Variants in USP28 observed in about 807,000 individuals in gnomAD.
USP28 encodes ubiquitin specific peptidase 28.
A neutral mutation model predicts 145.0 loss-of-function variants in USP28; 113 were observed. That is an observed-to-expected ratio of 0.78 (90% CI 0.67 to 0.91). USP28 has a LOEUF of 0.91. Ranked by LOEUF, USP28 falls within the 40% of genes least tolerant of loss-of-function variation. The pLI is 0.00. For synonymous variants in USP28, 447 were observed against 450.9 expected (o/e 0.99, Z 0.11); for missense variants, 1,201 against 1,289.6 (o/e 0.93, Z 1.05).
chr11:113,823,519 A>C (rs1942931598), intron 12 of USP28, 86 bp downstream of exon 12: 1 of 1,052,442 alleles, frequency 9.5e-7, no homozygotes, highest in Non-Finnish European at 1.4e-6. Flanking sequence ...TAATATTTAA[A>C]CGTTGAGTTA....
chr11:113,870,435 G>A (rs1948701240), intron 1 of USP28, among the ~76,000 whole-genome samples: 1 of 152,238 alleles, frequency 6.6e-6, no homozygotes, highest in Admixed American at 6.5e-5. Flanking sequence ...GCTGAGGTGG[G>A]AGGATCGCTT....
intron 12 of USP28, chr11:113,818,123 A>C: frequency 3.3e-6 from 1 of 300,352 alleles, no homozygotes; most frequent in Non-Finnish European, 6.1e-6. Context: ...TATTACATTT[A>C]GGCTTTGGTC....
At chr11:113,803,314 T>G in intron 22 of USP28, 33 bp from the exon 24 acceptor site, 1 of 1,578,914 alleles carries the variant, frequency 6.3e-7, no homozygotes, top group South Asian at 1.2e-5. Flanking sequence ...AACAGCTGAG[T>G]GCTCTTTTAC....
chr11:113,801,069 C>A (rs987043337), intron 24 of USP28, among the ~76,000 whole-genome samples: 1 of 152,142 alleles, frequency 6.6e-6, no homozygotes, highest in Non-Finnish European at 1.5e-5. Flanking sequence ...GTCTTGAACT[C>A]CTGGCCTCAG....
rs113881899 is a variant in USP28, at chr11:113,850,561, C to T, written c.268+1940G>A. Among the ~76,000 whole-genome samples, 46 of 152,298 alleles carry T rather than the reference C, an allele frequency of 3.0e-4. 1 individual carries two copies. The highest frequency in any genetic ancestry group is 1.0e-3 in the African/African-American group (42 of 41,554). On this transcript the variant is annotated intron_variant, in intron 3 of 24. Coordinates refer to ENST00000003302, the Ensembl canonical transcript of USP28. ...ATCCAGAATAGCTCAAAACTGTTAA[C>T]GGCCCAAATGTCCATTAACACCACC...
chr11:113,854,575 TA>T (rs1785572083), intron 1 of USP28, among the ~76,000 whole-genome samples: 1 of 152,202 alleles, frequency 6.6e-6, no homozygotes, highest in Non-Finnish European at 1.5e-5. Context: ...CTAAGTTTTG[TA>T]TTTTTAGTAG....
At chr11:113,807,527 AC>A (rs1475627335) in intron 18 of USP28, among the ~76,000 whole-genome samples, 1 of 152,184 alleles carries the variant, frequency 6.6e-6, no homozygotes, top group African/African-American at 2.4e-5. Context: ...GAATTCCTTT[AC>A]AATTAAAAAT....
intron 1 of USP28, among the ~76,000 whole-genome samples, chr11:113,871,192 CA>C (rs1246642786): frequency 6.6e-6 from 1 of 152,070 alleles, no homozygotes. Context: ...AAGAGATGTA[CA>C]AAATCAGCTG....
chr11:113,829,155 T>C (rs764952625), intron 10 of USP28, 42 bp downstream of exon 10: 8 of 1,602,206 alleles, frequency 5.0e-6, no homozygotes, highest in Non-Finnish European at 6.8e-6. Flanking sequence ...CCTACTTAAC[T>C]GGCTTTGTCA....
rs1304361257 is a variant in USP28 at position 113,816,384 on chromosome 11, A to AGG, written c.1464-1003_1464-1002insCC. Among the ~76,000 whole-genome samples the AGG allele has an allele frequency of 7.2e-5, 11 of 152,176 alleles. No homozygotes were observed. In the South Asian group the frequency reaches 2.1e-3, roughly 29 times the overall value. ...ACAAAACTCAGCTGGGCATGGTGGC[A>AGG]CGCCTGTAGTCCCAGCTACTTGGGA... On this transcript the variant is annotated intron_variant, in intron 13 of 24. Transcript: ENST00000003302.
exon 17 of USP28, chr11:113,809,084 G>T: frequency 6.2e-7 from 1 of 1,614,148 alleles, no homozygotes; most frequent in Non-Finnish European, 8.5e-7. Flanking sequence ...GAGTAGTCCT[G>T]TGATGAGGAG....
intron 1 of USP28, among the ~76,000 whole-genome samples, chr11:113,865,057 C>G (rs1948125445): frequency 6.6e-6 from 1 of 152,148 alleles, no homozygotes; most frequent in Admixed American, 6.5e-5. Context: ...CCAGGCTGGT[C>G]TTGAACTCCT....
intron 1 of USP28, among the ~76,000 whole-genome samples, chr11:113,865,861 G>A (rs1358079675): frequency 1.3e-5 from 2 of 152,258 alleles, no homozygotes; most frequent in Non-Finnish European, 2.9e-5. Context: ...GCATGGTGGT[G>A]TGTACCTGTA....
At chr11:113,809,649 A>C (rs1940632643) in intron 16 of USP28, among the ~76,000 whole-genome samples, 1 of 152,222 alleles carries the variant, frequency 6.6e-6, no homozygotes, top group Admixed American at 6.5e-5. Flanking sequence ...CTGTATGGAC[A>C]ATGTAAGGGC....
intron 5 of USP28, among the ~76,000 whole-genome samples, chr11:113,838,592 TAATTAA>T (rs1221836641): frequency 6.6e-6 from 1 of 152,184 alleles, no homozygotes; most frequent in Non-Finnish European, 1.5e-5. Context: ...GTTCCCTATG[TAATTAA>T]ATAGCACATT....
At chr11:113,804,815 G>A in intron 20 of USP28, 53 bp downstream of exon 21, 1 of 1,611,196 alleles carries the variant, frequency 6.2e-7, no homozygotes, top group African/African-American at 1.4e-5. Context: ...CAACAGAGGA[G>A]TCCATCTAGC....
At chr11:113,824,369 G>A (rs757481568) in intron 11 of USP28, among the ~76,000 whole-genome samples, 7 of 152,070 alleles carry the variant, frequency 4.6e-5, no homozygotes, top group Non-Finnish European at 7.3e-5. Context: ...CCAGGCTGGA[G>A]TGCAACGGCG....
At chr11:113,800,092 G>A (rs1448070633) in intron 24 of USP28, among the ~76,000 whole-genome samples, 4 of 151,628 alleles carry the variant, frequency 2.6e-5, no homozygotes, top group Middle Eastern at 3.4e-3. Flanking sequence ...TGCAAGCTCC[G>A]CCTCCCGGGT....
intron 15 of USP28, 61 bp from the exon 16 acceptor site, chr11:113,812,565 G>T: frequency 6.9e-7 from 1 of 1,456,670 alleles, no homozygotes. Flanking sequence ...TAAAGTTTAG[G>T]TTATTAAGAA....
Sources: allele counts gnomAD v4.1 joint callset (sites outside exome capture counted in the v4.1 genomes callset), GRCh38; gene constraint gnomAD v4.1.1; transcripts MANE v1.5; gene names NCBI Gene and HGNC (gene_info 2026-07-23, HGNC 2026-07-21).